Variants in MGAM observed in about 807,000 individuals in gnomAD.
MGAM encodes the protein alpha-1,4-glucosidase.
MGAM carries 253 observed loss-of-function variants against 358.8 expected under a neutral mutation model. The ratio of observed to expected loss-of-function variants is 0.71; its 90% CI spans 0.64 to 0.78. The LOEUF is 0.78. Ranked by LOEUF, MGAM falls within the 30% of genes least tolerant of loss-of-function variation. The pLI is 0.00. For synonymous variants in MGAM, 1,105 were observed against 1,227.1 expected, an observed-to-expected ratio of 0.90 and a Z score of 2.08; for missense variants, 3,080 against 3,432.6, an observed-to-expected ratio of 0.90 and a Z score of 2.57.
intron 12 of MGAM, 137 bp from the exon 13 acceptor site, chr7:142,031,543 C>A (rs1584948636): frequency 3.4e-6 from 2 of 591,094 alleles, no homozygotes; most frequent in Non-Finnish European, 6.0e-6. Context: ...GAGCACCGCA[C>A]CTTCTTAACT....
intron 57 of MGAM, among the ~76,000 whole-genome samples, chr7:142,090,766 A>G (rs752875493): frequency 1.4e-5 from 2 of 146,518 alleles, no homozygotes; most frequent in African/African-American, 4.9e-5. Flanking sequence ...ACTGAGACAT[A>G]CAAAGGACCA....
chr7:142,053,908 A>C (rs562393219), intron 26 of MGAM, among the ~76,000 whole-genome samples: 1 of 152,252 alleles, frequency 6.6e-6, no homozygotes, highest in East Asian at 1.9e-4. Flanking sequence ...ACTTCCCTGG[A>C]GTTCTAGCCT....
At chr7:142,002,728 C>A (rs1554451073) in intron 1 of MGAM, among the ~76,000 whole-genome samples, 1 of 152,048 alleles carries the variant, frequency 6.6e-6, no homozygotes, top group Non-Finnish European at 1.5e-5. Context: ...GGAGTCCTAG[C>A]TGCAGCAGTC....
In MGAM at chr7:142,106,227, C is replaced by G. The variant is rs767969274; in HGVS notation, c.*336C>G. The G allele has an allele frequency of 7.3e-5, 12 of 165,232 alleles. No homozygotes were observed. Among genetic ancestry groups the G allele is most frequent in the Non-Finnish European group, 1.4e-4 (11 of 75,908 alleles). 10.2% of individuals were successfully genotyped at this position (165,232 alleles called of 1,614,324 possible). A position where few individuals can be genotyped will look rare whatever the true frequency, so the allele number is the denominator to read the frequency against. ...CACGTTTGTAATCATAGAATGGACC[C>G]CATTCTTTTGTTAAATACACAAGAG... On this transcript the variant is annotated 3_prime_UTR_variant, in exon 71 of 71. Transcript: ENST00000475668.
At position 142,040,720 on chromosome 7, in the gene MGAM, A is replaced by G; in HGVS notation, c.2374-2A>G. 1 of 1,612,936 alleles carries G rather than the reference A, an allele frequency of 6.2e-7. No homozygotes were observed. On this transcript the variant is annotated splice_acceptor_variant, in intron 20 of 70. Coordinates refer to ENST00000475668, the MANE Select transcript of MGAM (RefSeq NM_001365693.1). LOFTEE classifies it high-confidence loss of function. ...TGTGTTTGATTTATCTGCATGCATC[A>G]GGGGAGCCAAGTGAGATGGAGGAAG...
rs1167100381 is a variant in MGAM at position 142,068,554 on chromosome 7, C to T, written c.5005-93C>T. Reference sequence around the variant, plus strand: ...GACATGAGGCAGCTGGGTCCAAAGCCATCACAATTATTTCACCTCTTTCCT... The same window carrying T: ...GACATGAGGCAGCTGGGTCCAAAGCTATCACAATTATTTCACCTCTTTCCT... On this transcript the variant is annotated intron_variant, in intron 42 of 70. Coordinates refer to ENST00000475668, the MANE Select transcript of MGAM (RefSeq NM_001365693.1). 8 of 1,024,300 alleles carry T rather than the reference C, an allele frequency of 7.8e-6. 1 individual carries two copies. The highest frequency in any genetic ancestry group is 1.5e-5 in the African/African-American group (1 of 66,272). 63.5% of individuals were successfully genotyped at this position (1,024,300 alleles called of 1,614,324 possible). A position where few individuals can be genotyped will look rare whatever the true frequency, so the allele number is the denominator to read the frequency against.
intron 63 of MGAM, 130 bp from the exon 64 acceptor site, chr7:142,095,435 T>C (rs562124170): frequency 2.3e-6 from 3 of 1,323,776 alleles, no homozygotes; most frequent in South Asian, 2.7e-5. Context: ...GAATATTCTC[T>C]GGGCCTCATG....
rs542977619 is a variant in MGAM at position 142,093,548 on chromosome 7, C to T, written c.7170C>T (p.Tyr2390=). The part of the protein sequence containing the change: ...LYGWSQTRPT[Y]EAVQEVTGQR... ...GGTGGTCCCAGACCAGACCCACATA[C>T]GAGTGAGTCTCTGTCTCCCTTCTCC... The change falls in exon 60 of 71, where the codon TAC becomes TAT. Residue 2390 remains tyrosine, a splice_region_variant and synonymous_variant. Coordinates refer to ENST00000475668, the MANE Select transcript of MGAM (RefSeq NM_001365693.1). The T allele has an allele frequency of 4.4e-4, 661 of 1,498,690 alleles. 114 individuals are homozygous for T. The highest frequency in any genetic ancestry group is 5.6e-4 in the Non-Finnish European group (620 of 1,102,994). The allele number at this position is 1,498,690 out of a possible 1,614,324, so 92.8% of individuals were successfully genotyped here. A position where few individuals can be genotyped will look rare whatever the true frequency, so the allele number is the denominator to read the frequency against.
At chr7:142,095,328 G>A (rs112290624) in intron 63 of MGAM, among the ~76,000 whole-genome samples, 2,716 of 152,260 alleles carry the variant, frequency 0.018, 64 homozygotes, top group African/African-American at 0.062. Flanking sequence ...CTTCTTGTTT[G>A]GGCAGAATTG....
intron 3 of MGAM, among the ~76,000 whole-genome samples, chr7:142,014,270 C>T (rs920539047): frequency 6.6e-5 from 10 of 152,078 alleles, no homozygotes; most frequent in African/African-American, 2.4e-4. Context: ...GGGACTTTGG[C>T]AAAATATGGA....
At chr7:142,052,681 C>T in intron 25 of MGAM, 103 bp from the exon 26 acceptor site, 1 of 1,421,672 alleles carries the variant, frequency 7.0e-7, no homozygotes, top group Non-Finnish European at 9.7e-7. Context: ...AAGTGATGGG[C>T]TAGTTTTATC....
At position 142,025,125 on chromosome 7, in the gene MGAM, T is replaced by C. The variant is rs782031017; in HGVS notation, c.958T>C (p.Phe320Leu). ...EDASGLSFGV[F>L]LMNSNAMEVV... ...TGCTAGTGGATTGTCCTTTGGGGTG[T>C]TTCTGATGAACAGCAATGCCATGGG... Residue 320 changes from phenylalanine (F) to leucine (L), a missense_variant, in exon 8 of 71, where the codon TTT becomes CTT. Coordinates refer to ENST00000475668, the MANE Select transcript of MGAM (RefSeq NM_001365693.1). 1.2e-6 allele frequency: 2 copies of C among 1,612,066 alleles called. No homozygotes were observed. Among genetic ancestry groups the C allele is most frequent in the Non-Finnish European group, 1.7e-6 (2 of 1,178,180 alleles).
rs567842748 is a variant in MGAM, at chr7:142,067,291, G to A, written c.4920-50G>A. 1.0e-4 allele frequency: 124 copies of A among 1,208,972 alleles called. 17 individuals carry two copies. The highest frequency in any genetic ancestry group is 3.2e-4 in the South Asian group (26 of 80,142). 74.9% of individuals were successfully genotyped at this position (1,208,972 alleles called of 1,614,324 possible). A position where few individuals can be genotyped will look rare whatever the true frequency, so the allele number is the denominator to read the frequency against. ...ACTTGAGGAGCTTCTTCAGAGTGTC[G>A]GGCTGGGGCTCTGTTGGGCTCTGTT... is the stretch of plus-strand genomic sequence containing the variant. On this transcript the variant is annotated intron_variant, in intron 41 of 70. Transcript: ENST00000475668.
chr7:142,053,080 A>G (rs2129032838), intron 26 of MGAM, 96 bp downstream of exon 26: 2 of 1,308,058 alleles, frequency 1.5e-6, no homozygotes, highest in South Asian at 1.3e-5. Flanking sequence ...TAAGTTAATC[A>G]TGCTACAACA....
intron 63 of MGAM, 33 bp downstream of exon 63, chr7:142,094,896 C>A: frequency 6.3e-7 from 1 of 1,589,072 alleles, no homozygotes; most frequent in Non-Finnish European, 8.6e-7. Flanking sequence ...CAGTGTTTCA[C>A]TTGAAACACA....
rs199877782 is a variant in MGAM, at chr7:142,087,161, C to CT, written c.6810+454dup. ...CTGTTTAGGTCTTTTTTTGGTGTAT[C>CT]TTTTTTTTTTCCATGAACACGTTTC... On this transcript the variant is annotated intron_variant, in intron 57 of 70. Transcript: ENST00000475668. Among the ~76,000 whole-genome samples, 359 of 141,224 alleles carry CT rather than the reference C, an allele frequency of 2.5e-3. 56 individuals are homozygous for CT. The East Asian group carries it at 0.058, about 23-fold the overall frequency. 92.6% of individuals were successfully genotyped at this position (141,224 alleles called of 152,430 possible).
intron 70 of MGAM, among the ~76,000 whole-genome samples, chr7:142,104,048 T>A (rs1450006347): frequency 2.6e-5 from 4 of 152,130 alleles, no homozygotes; most frequent in Non-Finnish European, 5.9e-5. Context: ...GAGACAGGTT[T>A]TCACTGTGTT....
intron 37 of MGAM, among the ~76,000 whole-genome samples, chr7:142,064,762 A>C (rs2129043143): frequency 6.6e-6 from 1 of 152,318 alleles, no homozygotes; most frequent in Non-Finnish European, 1.5e-5. Context: ...TAATGATCCT[A>C]GTGGGAAAGA....
chr7:142,065,361 G>T lies in MGAM; in HGVS notation c.4511G>T (p.Arg1504Leu). 6.2e-7 allele frequency: 1 copy of T among 1,610,230 alleles called. No homozygotes were observed. The highest frequency in any genetic ancestry group is 8.5e-7 in the Non-Finnish European group (1 of 1,178,482). Residue 1504 changes from arginine (R) to leucine (L), a missense_variant, in exon 38 of 71, where the codon CGA (arginine) becomes CTA (leucine). Transcript: ENST00000475668. Reference protein sequence around the residue: ...YEAVQEVTGQRGVVITRSTFP... With the variant: ...YEAVQEVTGQLGVVITRSTFP... ...GCCGTGCAGGAGGTGACGGGACAGC[G>T]AGGGGTCGTCATCACCCGCTCCACA...
Sources: allele counts gnomAD v4.1 joint callset (sites outside exome capture counted in the v4.1 genomes callset), GRCh38; gene constraint gnomAD v4.1.1; transcripts MANE v1.5; gene names NCBI Gene and HGNC (gene_info 2026-07-23, HGNC 2026-07-21).